TG: variants seen among roughly 807,000 people sequenced by gnomAD.
TG encodes thyroglobulin.
A neutral mutation model predicts 324.7 loss-of-function variants in TG; 270 were observed. The observed-to-expected ratio is 0.83, with a 90% CI of 0.75 to 0.92. TG has a LOEUF of 0.92. Among genes scored for constraint, TG ranks in the 40% least tolerant of loss-of-function variants. The probability of loss-of-function intolerance (pLI) is 0.00; values close to 1 mark genes in which losing one functional copy is unlikely to be tolerated. For synonymous variants in TG, 1,401 were observed against 1,327.0 expected (o/e 1.06, Z -1.21); for missense variants, 3,591 against 3,456.4 (o/e 1.04, Z -0.98).
intron 41 of TG, among the ~76,000 whole-genome samples, chr8:133,090,539 A>G (rs1407891362): frequency 2.6e-5 from 4 of 152,244 alleles, no homozygotes; most frequent in African/African-American, 9.6e-5. Flanking sequence ...AGACAGCGCA[A>G]GGGACTTGCT....
At chr8:132,951,720 A>C (rs1183693096) in intron 27 of TG, among the ~76,000 whole-genome samples, 1 of 152,218 alleles carries the variant, frequency 6.6e-6, no homozygotes, top group Non-Finnish European at 1.5e-5. Flanking sequence ...TGCCCTATAC[A>C]AAGGCTGAGT....
At chr8:133,060,927 A>G (rs892073092) in intron 41 of TG, among the ~76,000 whole-genome samples, 2 of 152,258 alleles carry the variant, frequency 1.3e-5, no homozygotes, top group East Asian at 1.9e-4. Flanking sequence ...GGGTTGCTCC[A>G]TAACGGTTTT....
intron 41 of TG, among the ~76,000 whole-genome samples, chr8:133,055,866 G>GCAA (rs1208711281): frequency 1.3e-5 from 2 of 151,550 alleles, no homozygotes; most frequent in Non-Finnish European, 2.9e-5. Context: ...AGCAGCAGCA[G>GCAA]CAGCAGGGCG....
chr8:133,070,250 T>G (rs1164173060), intron 41 of TG, among the ~76,000 whole-genome samples: 3 of 152,032 alleles, frequency 2.0e-5, no homozygotes, highest in African/African-American at 7.3e-5. Context: ...GAAAAAGATG[T>G]GTGGAGCGGT....
chr8:132,947,634 G>T (rs951781258), intron 26 of TG, among the ~76,000 whole-genome samples: 12 of 51,674 alleles, frequency 2.3e-4, no homozygotes, highest in African/African-American at 1.2e-3. Context: ...ATAATATATT[G>T]CCCTTTTTTT....
chr8:133,128,327 C>A lies in TG; in HGVS notation c.7863-3485C>A, dbSNP rs1472850181. ...CGGCATTCAAATCCTGAAACTGAAA[C>A]AAAAGGCGTGCACACACACACACAC... On this transcript the variant is annotated intron_variant, in intron 45 of 47. Transcript: ENST00000220616. Among the ~76,000 whole-genome samples, 891 of 93,322 alleles carry A rather than the reference C, an allele frequency of 9.5e-3. 17 individuals are homozygous for A. The highest frequency in any genetic ancestry group is 0.033 in the African/African-American group (858 of 25,760). The allele number at this position is 93,322 out of a possible 152,430, so 61.2% of individuals were successfully genotyped here.
chr8:133,095,092 C>T lies in TG; in HGVS notation c.7288C>T (p.Gln2430Ter), dbSNP rs1408343134. The T allele has an allele frequency of 2.5e-6, 4 of 1,614,072 alleles. No individual in the cohort carries two copies. The African/African-American group carries it at 4.0e-5, about 16-fold the overall frequency. The change falls in exon 42 of 48, where the codon CAG becomes TAG. Residue 2430 changes from glutamine (Q) to a stop codon, truncating the protein, a stop_gained. Transcript: ENST00000220616. LOFTEE classifies it high-confidence loss of function. Reference protein sequence around the residue: ...PAAVISHERAQQQAIALAKEV... With the variant: ...PAAVISHERA ...CGCCGTCATCAGCCATGAGAGGGCTCAGCAGCAGGCAATTGCTTTGGCAAA... is the reference window on the plus strand; with the variant it reads ...CGCCGTCATCAGCCATGAGAGGGCTTAGCAGCAGGCAATTGCTTTGGCAAA...
At chr8:132,994,423 G>T (rs529794741) in intron 35 of TG, among the ~76,000 whole-genome samples, 29 of 152,282 alleles carry the variant, frequency 1.9e-4, no homozygotes, top group African/African-American at 7.0e-4. Flanking sequence ...TTTTAGGCAG[G>T]TTGCCTGTCC....
At chr8:133,012,351 A>C (rs1834593438) in intron 36 of TG, among the ~76,000 whole-genome samples, 1 of 152,202 alleles carries the variant, frequency 6.6e-6, no homozygotes, top group Non-Finnish European at 1.5e-5. Context: ...AGCTGACCTC[A>C]GTTAGCAGGT....
At chr8:132,903,508 A>C (rs975970421) in intron 16 of TG, among the ~76,000 whole-genome samples, 3 of 152,320 alleles carry the variant, frequency 2.0e-5, no homozygotes, top group Middle Eastern at 3.4e-3. Flanking sequence ...TTTAATATAG[A>C]CAGTAATTTG....
intron 5 of TG, among the ~76,000 whole-genome samples, chr8:132,880,091 G>A (rs1382427170): frequency 6.6e-6 from 1 of 152,164 alleles, no homozygotes; most frequent in Non-Finnish European, 1.5e-5. Flanking sequence ...GTCAGACAGA[G>A]TCACATGCCT....
At chr8:133,016,346 C>T (rs1309131493) in intron 37 of TG, among the ~76,000 whole-genome samples, 1 of 152,206 alleles carries the variant, frequency 6.6e-6, no homozygotes, top group Non-Finnish European at 1.5e-5. Flanking sequence ...TGTCTAACAA[C>T]AGCCCTTGTC....
Position 133,013,652 on chromosome 8 carries a change from G to A in TG, c.6450G>A (p.Gly2150=). The A allele has an allele frequency of 6.2e-7, 1 of 1,614,190 alleles. No individual in the cohort carries two copies. Among genetic ancestry groups the A allele is most frequent in the Non-Finnish European group, 8.5e-7 (1 of 1,180,022 alleles). Residue 2150 remains glycine (G), a synonymous_variant, in exon 37 of 48, where the codon GGG becomes GGA. Coordinates refer to ENST00000220616, the MANE Select transcript of TG (RefSeq NM_003235.5). Reference sequence around the variant, plus strand: ...TCACCACTCTGCAAACCCAACCTGGGGCTGTGAGATGTATGTTCTATGCTG... The same window carrying A: ...TCACCACTCTGCAAACCCAACCTGGAGCTGTGAGATGTATGTTCTATGCTG... ...CLITTLQTQP[G]AVRCMFYADT... is the part of the protein sequence containing the mutation.
chr8:132,878,203 G>A (rs1814106794), intron 5 of TG, among the ~76,000 whole-genome samples: 1 of 152,172 alleles, frequency 6.6e-6, no homozygotes, highest in African/African-American at 2.4e-5. Flanking sequence ...TGATGATGGA[G>A]GGAACTTGGT....
In TG at chr8:132,886,704, C is replaced by T. The variant is rs61741629; in HGVS notation, c.1332C>T (p.Ile444=). ...SVSENLLKEA[I]RAIFPSRGLA... ...CAGAAAATCTTCTCAAAGAAGCCAT[C>T]CGAGCAATTTTTCCCTCCCGAGGGC... The change falls in exon 9 of 48, where the codon ATC becomes ATT. Residue 444 remains isoleucine, a synonymous_variant. Transcript: ENST00000220616. 3.9e-3 allele frequency: 6,366 copies of T among 1,614,182 alleles called. 231 individuals are homozygous for T. In the African/African-American group the frequency reaches 0.075, roughly 19 times the overall value.
intron 41 of TG, 71 bp downstream of exon 41, chr8:133,030,094 A>C (rs1201141785): frequency 3.8e-6 from 6 of 1,593,028 alleles, no homozygotes; most frequent in Non-Finnish European, 5.2e-6. Context: ...CCTGTGCTGC[A>C]AAAGTCTAGT....
At chr8:133,017,337 ATTC>A (rs2130915794) in intron 37 of TG, among the ~76,000 whole-genome samples, 1 of 148,056 alleles carries the variant, frequency 6.8e-6, no homozygotes, top group South Asian at 2.1e-4. Flanking sequence ...AAGAAATTCT[ATTC>A]TTTACTCATC....
intron 41 of TG, chr8:133,059,972 C>G: frequency 4.4e-6 from 4 of 908,138 alleles, no homozygotes; most frequent in Non-Finnish European, 4.9e-6. Flanking sequence ...ACTAGAGAGA[C>G]AGATATAATG....
At chr8:133,040,273 G>A in intron 41 of TG, 1 of 876,574 alleles carries the variant, frequency 1.1e-6, no homozygotes, top group Non-Finnish European at 1.7e-6. Context: ...GGCATGGTAG[G>A]TGGTGACAAT....
Sources: gnomAD v4.1 joint callset for allele counts (sites outside exome capture counted in the v4.1 genomes callset) on GRCh38, gnomAD v4.1.1 for gene constraint, MANE v1.5 for transcripts, NCBI Gene and HGNC (gene_info 2026-07-23, HGNC 2026-07-21) for gene names.